AGMO: variants seen among roughly 807,000 people sequenced by gnomAD.
The protein encoded by AGMO is alkylglycerol monooxygenase, also known as glyceryl-ether monooxygenase.
A neutral mutation model predicts 60.2 loss-of-function variants in AGMO; 75 were observed. That is an observed-to-expected ratio of 1.25 (90% CI 1.03 to 1.51). AGMO has a LOEUF of 1.51. Ranked by LOEUF, AGMO falls within the 40% of genes most tolerant of loss-of-function variation. The pLI is 0.00. For synonymous variants in AGMO, 261 were observed against 177.1 expected, an observed-to-expected ratio of 1.47 and a Z score of -3.76; for missense variants, 763 against 525.5, an observed-to-expected ratio of 1.45 and a Z score of -4.42.
At chr7:15,197,055 T>C (rs1043039567), downstream of AGMO, among the ~76,000 whole-genome samples, 1 of 151,442 alleles carries the variant, frequency 6.6e-6, no homozygotes, top group Non-Finnish European at 1.5e-5. Context: ...TTTTTGTTGT[T>C]GTTTTTTTTT....
At chr7:15,223,173 T>G (rs1439371332) in intron 12 of AGMO, among the ~76,000 whole-genome samples, 1 of 152,006 alleles carries the variant, frequency 6.6e-6, no homozygotes, top group Non-Finnish European at 1.5e-5. Context: ...AAAGGCTATT[T>G]AAATAAAATA....
the AGMO span, among the ~76,000 whole-genome samples, chr7:15,150,951 G>GTA: frequency 2.6e-5 from 4 of 152,112 alleles, no homozygotes; most frequent in African/African-American, 9.6e-5. Context: ...CTGGCCCAGT[G>GTA]CTTTCTCTGG....
At chr7:15,229,550 C>G (rs1782189820) in intron 12 of AGMO, among the ~76,000 whole-genome samples, 1 of 149,298 alleles carries the variant, frequency 6.7e-6, no homozygotes, top group South Asian at 2.1e-4. Flanking sequence ...CCAAATAACC[C>G]TTTGAAAAGT....
intron 12 of AGMO, among the ~76,000 whole-genome samples, chr7:15,233,908 G>A (rs1335189542): frequency 3.3e-5 from 5 of 152,040 alleles, no homozygotes; most frequent in Admixed American, 6.6e-5. Flanking sequence ...TTAGCTGGGC[G>A]TGGTGGTGCG....
intron 12 of AGMO, among the ~76,000 whole-genome samples, chr7:15,325,670 A>G (rs1781315351): frequency 6.6e-6 from 1 of 152,208 alleles, no homozygotes; most frequent in Admixed American, 6.5e-5. Flanking sequence ...TCATGTAAAA[A>G]GCAAAATGCT....
intron 2 of AGMO, among the ~76,000 whole-genome samples, chr7:15,555,819 A>G (rs1352256111): frequency 6.6e-6 from 1 of 152,060 alleles, no homozygotes; most frequent in Non-Finnish European, 1.5e-5. Context: ...TAACAAAGAC[A>G]AAGTCTATTT....
At chr7:15,323,177 T>C (rs2128540650) in intron 12 of AGMO, among the ~76,000 whole-genome samples, 1 of 152,156 alleles carries the variant, frequency 6.6e-6, no homozygotes, top group East Asian at 1.9e-4. Flanking sequence ...GATAAGCGAA[T>C]GATCTTGTTT....
intron 3 of AGMO, among the ~76,000 whole-genome samples, chr7:15,502,973 C>T (rs10236994): frequency 1.2e-3 from 175 of 152,112 alleles, no homozygotes; most frequent in African/African-American, 4.1e-3. Context: ...CCCTCACATA[C>T]CTGCCTTTAC....
At chr7:15,215,661 A>G (rs535686677) in intron 12 of AGMO, among the ~76,000 whole-genome samples, 4 of 152,178 alleles carry the variant, frequency 2.6e-5, no homozygotes, top group South Asian at 4.1e-4. Flanking sequence ...CTAGTTTATA[A>G]TATTTGTGTA....
intron 12 of AGMO, among the ~76,000 whole-genome samples, chr7:15,289,938 G>T (rs369134129): frequency 9.2e-6 from 1 of 108,514 alleles, no homozygotes. Flanking sequence ...ATTTATTCCA[G>T]AAATCTTTTT....
At chr7:15,456,029 A>T (rs1005124633) in intron 3 of AGMO, among the ~76,000 whole-genome samples, 6 of 152,058 alleles carry the variant, frequency 3.9e-5, no homozygotes, top group African/African-American at 2.4e-5. Flanking sequence ...GGAGAAAAAC[A>T]TGTTGGCTAT....
At chr7:15,359,772 T>C (rs1279685732) in intron 12 of AGMO, among the ~76,000 whole-genome samples, 1 of 152,248 alleles carries the variant, frequency 6.6e-6, no homozygotes, top group East Asian at 1.9e-4. Flanking sequence ...GTATGTTACA[T>C]GGTCACTGCA....
At chr7:15,222,659 T>C (rs1781956332) in intron 12 of AGMO, among the ~76,000 whole-genome samples, 1 of 152,068 alleles carries the variant, frequency 6.6e-6, no homozygotes, top group African/African-American at 2.4e-5. Flanking sequence ...ATAATGAACA[T>C]TTTCAAACTT....
rs1010330734 is a variant in AGMO, at chr7:15,231,777, C to T, written c.1264-30418G>A. 2.6e-5 allele frequency among the ~76,000 whole-genome samples: 4 copies of T among 152,158 alleles called. No homozygotes were observed. In the South Asian group the frequency reaches 6.2e-4, roughly 24 times the overall value. ...AAATGATATAATGTGATTTTCAACA[C>T]CTATTTCTTCCCTTTCTTTTGCACC... On this transcript the variant is annotated intron_variant, in intron 12 of 12. Transcript: ENST00000342526.
chr7:15,288,233 C>T (rs1784157004), intron 12 of AGMO, among the ~76,000 whole-genome samples: 1 of 151,808 alleles, frequency 6.6e-6, no homozygotes, highest in East Asian at 1.9e-4. Flanking sequence ...GGAGTTTCAC[C>T]GTGTTAGCCA....
chr7:15,371,539 T>C (rs1583469932), intron 10 of AGMO, among the ~76,000 whole-genome samples: 2 of 152,002 alleles, frequency 1.3e-5, no homozygotes, highest in East Asian at 3.9e-4. Context: ...TACAGGCACC[T>C]ACCACCTTAC....
intron 4 of AGMO, among the ~76,000 whole-genome samples, chr7:15,426,755 AT>A (rs146482241): frequency 0.087 from 13,185 of 150,866 alleles, 732 homozygotes; most frequent in South Asian, 0.15. Context: ...CAAAAAAAAA[AT>A]TTTTTTTTTG....
In AGMO at chr7:15,247,470, A is replaced by AGAGG. The variant is rs1554401094; in HGVS notation, c.1264-46112_1264-46111insCCTC. Among the ~76,000 whole-genome samples the AGAGG allele has an allele frequency of 2.8e-3, 417 of 149,970 alleles. 1 individual carries two copies. Among genetic ancestry groups the AGAGG allele is most frequent in the African/African-American group, 9.6e-3 (386 of 40,332 alleles). On this transcript the variant is annotated intron_variant, in intron 12 of 12. Coordinates refer to ENST00000342526, the MANE Select transcript of AGMO (RefSeq NM_001004320.2). ...CACACACACACACACAGAGAGAGAG[A>AGAGG]GAGAGAGAGGGAGAGAGAGGGAGAG...
rs140528487 is a variant in AGMO, at chr7:15,318,778, T to A, written c.1263+46736A>T. Among the ~76,000 whole-genome samples, 332 of 152,292 alleles carry A rather than the reference T, an allele frequency of 2.2e-3. 2 individuals are homozygous for A. The highest frequency in any genetic ancestry group is 0.018 in the Admixed American group (273 of 15,282). On this transcript the variant is annotated intron_variant, in intron 12 of 12. Transcript: ENST00000342526. ...GGCTCAATTTTTTTCTTTGTTTTTATCAATCCTCTTTTACAGGTTGCCAAT... is the reference window on the plus strand; with the variant it reads ...GGCTCAATTTTTTTCTTTGTTTTTAACAATCCTCTTTTACAGGTTGCCAAT...
Sources: gnomAD v4.1 joint callset for allele counts (sites outside exome capture counted in the v4.1 genomes callset) on GRCh38, gnomAD v4.1.1 for gene constraint, MANE v1.5 for transcripts, NCBI Gene and HGNC (gene_info 2026-07-23, HGNC 2026-07-21) for gene names.